Variants in SLC35F3 observed in about 807,000 individuals in gnomAD.
SLC35F3 encodes solute carrier family 35 member F3.
Under a neutral mutation model 49.9 loss-of-function variants are expected in SLC35F3, and 25 were observed. That is an observed-to-expected ratio of 0.50 (90% confidence interval 0.37 to 0.70). The LOEUF is 0.70. SLC35F3 is among the 30% of genes least tolerant of loss of function. The pLI, the probability that SLC35F3 is intolerant of heterozygous loss-of-function variation, is 0.00. For missense variants in SLC35F3, 525 were observed against 639.8 expected (o/e 0.82, Z 1.94); for synonymous variants, 275 against 265.4 (o/e 1.04, Z -0.35).
At chr1:234,241,915 C>A in intron 3 of SLC35F3, among the ~76,000 whole-genome samples, 1 of 152,110 alleles carries the variant, frequency 6.6e-6, no homozygotes, top group Non-Finnish European at 1.5e-5. Flanking sequence ...TATTGCTGTT[C>A]ATCATCCAGT....
intron 2 of SLC35F3, among the ~76,000 whole-genome samples, chr1:234,207,567 C>T (rs918216303): frequency 1.2e-4 from 18 of 150,702 alleles, no homozygotes; most frequent in African/African-American, 4.4e-4. Context: ...TCATATACCC[C>T]AAATTTTAAA....
intron 2 of SLC35F3, among the ~76,000 whole-genome samples, chr1:233,911,882 C>T (rs1206771336): frequency 6.6e-6 from 1 of 152,168 alleles, no homozygotes; most frequent in African/African-American, 2.4e-5. Flanking sequence ...AGAGTTCTCC[C>T]TGCTCTTCAG....
chr1:233,921,161 T>C (rs1662051718), intron 2 of SLC35F3, among the ~76,000 whole-genome samples: 1 of 152,216 alleles, frequency 6.6e-6, no homozygotes, highest in Non-Finnish European at 1.5e-5. Context: ...AAAGTACACT[T>C]TCAAAGGAAA....
chr1:234,201,431 A>G (rs1391792716), intron 2 of SLC35F3, among the ~76,000 whole-genome samples: 2 of 152,218 alleles, frequency 1.3e-5, no homozygotes, highest in Non-Finnish European at 2.9e-5. Flanking sequence ...TAATAAATCA[A>G]ATAATGCTGC....
chr1:234,185,094 GA>G (rs1306911278), intron 2 of SLC35F3, among the ~76,000 whole-genome samples: 1 of 152,172 alleles, frequency 6.6e-6, no homozygotes, highest in Non-Finnish European at 1.5e-5. Context: ...TACATCGAGG[GA>G]GAGTAAAAGA....
At chr1:233,984,737 G>A (rs960996841) in intron 2 of SLC35F3, among the ~76,000 whole-genome samples, 7 of 152,270 alleles carry the variant, frequency 4.6e-5, no homozygotes, top group African/African-American at 1.2e-4. Flanking sequence ...TCAGAGTTGC[G>A]TCCTCAGTTT....
At chr1:234,000,754 G>A (rs563782749) in intron 2 of SLC35F3, among the ~76,000 whole-genome samples, 1 of 152,292 alleles carries the variant, frequency 6.6e-6, no homozygotes, top group Non-Finnish European at 1.5e-5. Context: ...AGCTTACAGA[G>A]GAAGTCACAC....
intron 2 of SLC35F3, among the ~76,000 whole-genome samples, chr1:234,188,255 C>A (rs1666676907): frequency 6.7e-6 from 1 of 149,220 alleles, no homozygotes; most frequent in Non-Finnish European, 1.5e-5. Context: ...AAAAAAAAGT[C>A]CTGCTTGCTT....
chr1:234,324,010 A>C lies in SLC35F3; in HGVS notation c.*767A>C, dbSNP rs1423497559. 1 of 152,346 alleles carries C rather than the reference A, an allele frequency of 6.6e-6. No individual in the cohort carries two copies. Among genetic ancestry groups the C allele is most frequent in the Non-Finnish European group, 1.5e-5 (1 of 68,120 alleles). 9.4% of individuals were successfully genotyped at this position (152,346 alleles called of 1,614,324 possible). ...ATAATTTAGATGTAAAAATCTTTAG[A>C]AACAAATAAAACTCTCTATATATGT... On this transcript the variant is annotated 3_prime_UTR_variant, in exon 8 of 8. Transcript: ENST00000366618.
intron 2 of SLC35F3, among the ~76,000 whole-genome samples, chr1:233,928,616 G>A (rs1662196694): frequency 1.3e-5 from 2 of 152,218 alleles, no homozygotes; most frequent in Admixed American, 1.3e-4. Context: ...TGCATCCAAA[G>A]GGCTGAATAC....
In SLC35F3 at chr1:234,062,562, G is replaced by C. The variant is rs139602704; in HGVS notation, c.283+156804G>C. On this transcript the variant is annotated intron_variant, in intron 2 of 7. Coordinates refer to ENST00000366618, the MANE Select transcript of SLC35F3 (RefSeq NM_173508.4). The stretch of plus-strand genomic sequence containing the variant: ...TTGTCTTTTACCACAATATCAGCTG[G>C]TTTTGATTGTGCCCTTAGGCCTGAA... 1.8e-4 allele frequency among the ~76,000 whole-genome samples: 28 copies of C among 152,302 alleles called. No individual in the cohort carries two copies. The East Asian group carries it at 5.4e-3, about 29-fold the overall frequency.
intron 2 of SLC35F3, among the ~76,000 whole-genome samples, chr1:234,156,320 G>A (rs962109935): frequency 5.3e-5 from 8 of 152,174 alleles, no homozygotes; most frequent in Non-Finnish European, 8.8e-5. Flanking sequence ...CGACCTCTCT[G>A]GAAGATAATT....
chr1:234,164,896 A>G (rs1329395467), intron 2 of SLC35F3, among the ~76,000 whole-genome samples: 6 of 152,064 alleles, frequency 3.9e-5, no homozygotes, highest in African/African-American at 1.4e-4. Context: ...AAAATAAGAT[A>G]TTGTCTGTAA....
At chr1:233,993,528 T>G (rs1663400878) in intron 2 of SLC35F3, among the ~76,000 whole-genome samples, 1 of 152,180 alleles carries the variant, frequency 6.6e-6, no homozygotes, top group South Asian at 2.1e-4. Flanking sequence ...CAACTAGCCT[T>G]TCTTAGGTAA....
At chr1:234,122,337 T>C (rs532405493) in intron 2 of SLC35F3, among the ~76,000 whole-genome samples, 39 of 152,374 alleles carry the variant, frequency 2.6e-4, no homozygotes, top group African/African-American at 9.1e-4. Flanking sequence ...AATCTGTGTC[T>C]TCCACAACAT....
chr1:234,089,739 G>A (rs530400973), intron 2 of SLC35F3, among the ~76,000 whole-genome samples: 3 of 152,240 alleles, frequency 2.0e-5, no homozygotes, highest in East Asian at 1.9e-4. Context: ...GAGGCAGTTC[G>A]CCACTGGAGG....
intron 2 of SLC35F3, among the ~76,000 whole-genome samples, chr1:234,141,596 A>G (rs892723779): frequency 6.6e-6 from 1 of 152,078 alleles, no homozygotes; most frequent in African/African-American, 2.4e-5. Flanking sequence ...CTATCCTCCT[A>G]ACGGTGGCTT....
At chr1:234,273,344 C>T (rs1558093903) in intron 3 of SLC35F3, among the ~76,000 whole-genome samples, 2 of 152,184 alleles carry the variant, frequency 1.3e-5, no homozygotes, top group Non-Finnish European at 1.5e-5. Context: ...CCAGAAGGGC[C>T]CACACCGGTG....
chr1:233,912,402 G>A (rs1270740012), intron 2 of SLC35F3, among the ~76,000 whole-genome samples: 4 of 152,082 alleles, frequency 2.6e-5, no homozygotes, highest in Non-Finnish European at 5.9e-5. Context: ...GCTTGAATCC[G>A]GGAGGCGGAG....
Sources: allele counts gnomAD v4.1 joint callset (sites outside exome capture counted in the v4.1 genomes callset), GRCh38; gene constraint gnomAD v4.1.1; transcripts MANE v1.5; gene names NCBI Gene and HGNC (gene_info 2026-07-23, HGNC 2026-07-21).